The following MECOM variants were observed in gnomAD, a reference collection of about 807,000 sequenced individuals.
MECOM encodes the protein MDS1 and EVI1 complex locus.
Under a neutral mutation model 116.3 loss-of-function variants are expected in MECOM, and 13 were observed. The observed-to-expected ratio is 0.11, with a 90% confidence interval of 0.07 to 0.18. The LOEUF (loss-of-function observed/expected upper bound fraction) is 0.18, where lower values mean the gene tolerates loss of function less well. Ranked by LOEUF, MECOM falls within the 10% of genes least tolerant of loss-of-function variation. The pLI is 1.00. For missense variants in MECOM, 1,299 were observed against 1,509.0 expected, an observed-to-expected ratio of 0.86 and a Z score of 2.31; for synonymous variants, 528 against 535.2, an observed-to-expected ratio of 0.99 and a Z score of 0.19.
chr3:169,359,367 A>AGATCTAT (rs1727816126), intron 2 of MECOM, among the ~76,000 whole-genome samples: 3 of 151,718 alleles, frequency 2.0e-5, no homozygotes, highest in Admixed American at 2.0e-4. Context: ...AGTCAATTGG[A>AGATCTAT]GATCTATGTT....
intron 1 of MECOM, among the ~76,000 whole-genome samples, chr3:169,653,302 C>T (rs1040783097): frequency 9.2e-5 from 14 of 152,150 alleles, no homozygotes; most frequent in African/African-American, 3.1e-4. Context: ...ATATGCAAAG[C>T]ATAGTATTAG....
rs117865249 is a variant in MECOM at position 169,535,234 on chromosome 3, T to C, written c.37+128102A>G. Among the ~76,000 whole-genome samples the C allele has an allele frequency of 5.9e-5, 9 of 152,294 alleles. No individual in the cohort carries two copies. The East Asian group carries it at 1.4e-3, about 23-fold the overall frequency. The stretch of plus-strand genomic sequence containing the variant: ...CCATTGGAGTCAGGCAATGGGAAGA[T>C]ATATGTGAATATTCTATTCCAGTAT... On this transcript the variant is annotated intron_variant, in intron 1 of 16. Transcript: ENST00000651503.
At chr3:169,347,394 G>T (rs114270247) in intron 2 of MECOM, among the ~76,000 whole-genome samples, 3,485 of 151,978 alleles carry the variant, frequency 0.023, 64 homozygotes, top group Non-Finnish European at 0.032. Context: ...ATTTTTGTCC[G>T]CATACACACA....
intron 2 of MECOM, among the ~76,000 whole-genome samples, chr3:169,215,242 C>CTG (rs2149484166): frequency 7.2e-6 from 1 of 138,172 alleles, no homozygotes; most frequent in Admixed American, 7.3e-5. Context: ...CTCCTCTTTC[C>CTG]TTTTTTTTTT....
At chr3:169,087,267 AT>A in intron 16 of MECOM, among the ~76,000 whole-genome samples, 1 of 152,146 alleles carries the variant, frequency 6.6e-6, no homozygotes, top group East Asian at 1.9e-4. Context: ...AATAAGAAGC[AT>A]TTTTGGTGGA....
intron 2 of MECOM, among the ~76,000 whole-genome samples, chr3:169,347,866 T>A (rs1449097042): frequency 6.6e-6 from 1 of 152,008 alleles, no homozygotes; most frequent in Non-Finnish European, 1.5e-5. Context: ...ACAAGCCCCA[T>A]TGCTAAGCAT....
At chr3:169,339,605 G>T (rs1275528162) in intron 2 of MECOM, among the ~76,000 whole-genome samples, 2 of 152,114 alleles carry the variant, frequency 1.3e-5, no homozygotes, top group Non-Finnish European at 2.9e-5. Flanking sequence ...GCCCTTCCCG[G>T]AACTACTGCG....
chr3:169,289,692 T>TA (rs995021844), intron 2 of MECOM, among the ~76,000 whole-genome samples: 24 of 152,002 alleles, frequency 1.6e-4, no homozygotes, highest in Non-Finnish European at 1.5e-4. Context: ...ACCACTTGGC[T>TA]AAAAAAAATT....
At chr3:169,590,683 T>C (rs1380295254) in intron 1 of MECOM, among the ~76,000 whole-genome samples, 1 of 152,198 alleles carries the variant, frequency 6.6e-6, no homozygotes, top group Admixed American at 6.5e-5. Flanking sequence ...TTTTCCCCAT[T>C]ACATAATGAA....
chr3:169,205,418 G>A (rs1559990413), intron 2 of MECOM, among the ~76,000 whole-genome samples: 1 of 152,136 alleles, frequency 6.6e-6, no homozygotes, highest in Non-Finnish European at 1.5e-5. Context: ...TTCTCCAGAT[G>A]TACAGAATAC....
At chr3:169,437,160 C>T (rs775032785) in intron 1 of MECOM, among the ~76,000 whole-genome samples, 2 of 152,074 alleles carry the variant, frequency 1.3e-5, no homozygotes, top group Admixed American at 1.3e-4. Flanking sequence ...ATAAGGAAAC[C>T]AAGGCTTACA....
At chr3:169,212,366 A>G (rs146953917) in intron 2 of MECOM, among the ~76,000 whole-genome samples, 2 of 151,682 alleles carry the variant, frequency 1.3e-5, no homozygotes, top group Admixed American at 6.6e-5. Context: ...GCTTTATACC[A>G]TGACCTGAAT....
chr3:169,511,630 G>C (rs1281055469), intron 1 of MECOM, among the ~76,000 whole-genome samples: 2 of 152,056 alleles, frequency 1.3e-5, no homozygotes, highest in African/African-American at 4.8e-5. Context: ...TGGGTGTGAT[G>C]GTGGGCGCTT....
At chr3:169,305,777 T>G (rs1430451668) in intron 2 of MECOM, among the ~76,000 whole-genome samples, 1 of 152,196 alleles carries the variant, frequency 6.6e-6, no homozygotes, top group Non-Finnish European at 1.5e-5. Flanking sequence ...CCTTATCTTT[T>G]GTATGTCACA....
intron 1 of MECOM, among the ~76,000 whole-genome samples, chr3:169,569,757 A>G (rs1482376969): frequency 1.3e-5 from 2 of 152,218 alleles, no homozygotes; most frequent in Non-Finnish European, 2.9e-5. Flanking sequence ...ATTAAGGCAG[A>G]AATAAATAAG....
intron 3 of MECOM, among the ~76,000 whole-genome samples, chr3:169,140,164 C>T (rs1044900445): frequency 2.0e-4 from 31 of 152,022 alleles, no homozygotes; most frequent in African/African-American, 7.2e-4. Context: ...CCTGCTCTGC[C>T]TTTCAGGGCC....
chr3:169,087,875 T>C (rs1205709843), intron 16 of MECOM, among the ~76,000 whole-genome samples: 1 of 152,216 alleles, frequency 6.6e-6, no homozygotes, highest in East Asian at 1.9e-4. Context: ...CTTAAGTTCA[T>C]GGAGGTAGGC....
intron 1 of MECOM, among the ~76,000 whole-genome samples, chr3:169,523,042 T>C (rs1296328900): frequency 1.3e-5 from 2 of 152,230 alleles, no homozygotes; most frequent in Non-Finnish European, 2.9e-5. Context: ...TTTTGTAATG[T>C]CATCACTTTG....
At chr3:169,212,166 A>AT (rs1750808122) in intron 2 of MECOM, among the ~76,000 whole-genome samples, 1 of 151,924 alleles carries the variant, frequency 6.6e-6, no homozygotes, top group Non-Finnish European at 1.5e-5. Flanking sequence ...AACTACCCAC[A>AT]TTTTTTCTCT....
Sources: allele counts gnomAD v4.1 joint callset (sites outside exome capture counted in the v4.1 genomes callset), GRCh38; gene constraint gnomAD v4.1.1; transcripts MANE v1.5; gene names NCBI Gene and HGNC (gene_info 2026-07-23, HGNC 2026-07-21).